Variants in GGA1 observed in about 807,000 individuals in gnomAD.
The protein encoded by GGA1 is golgi associated, gamma adaptin ear containing, ARF binding protein 1.
A neutral mutation model predicts 76.9 loss-of-function variants in GGA1; 18 were observed. The observed-to-expected ratio is 0.23, with a 90% CI of 0.16 to 0.35. The LOEUF is 0.35. Among genes scored for constraint, GGA1 ranks in the 10% least tolerant of loss-of-function variants. GGA1 has a pLI of 1.00. For synonymous variants in GGA1, 342 were observed against 354.7 expected (o/e 0.96, Z 0.40); for missense variants, 755 against 859.0 (o/e 0.88, Z 1.51).
intron 1 of GGA1, among the ~76,000 whole-genome samples, chr22:37,611,708 C>A (rs1927617536): frequency 6.6e-6 from 1 of 152,246 alleles, no homozygotes; most frequent in African/African-American, 2.4e-5. Context: ...ACCTCCTGGG[C>A]TGTGTCCTTC....
Position 37,632,218 on chromosome 22 carries a change from A to G in GGA1, c.1698+53A>G. 6.4e-7 allele frequency: 1 copy of G among 1,560,060 alleles called. No individual in the cohort carries two copies. Among genetic ancestry groups the G allele is most frequent in the African/African-American group, 1.3e-5 (1 of 74,242 alleles). ...CTCCCTCCTCTCAAGGCAGGGTGAC[A>G]TGGAGCTGGGTGGGGAGCCACCTGT... On this transcript the variant is annotated intron_variant, in intron 15 of 16. Transcript: ENST00000343632. This position sits in a 1 kb window ranked among gnomAD's most constrained non-coding sequence, Gnocchi z 5.1.
Position 37,630,122 on chromosome 22 carries a change from A to G in GGA1, c.1283A>G (p.Lys428Arg). The G allele has an allele frequency of 6.2e-7, 1 of 1,607,612 alleles. No individual in the cohort carries two copies. The highest frequency in any genetic ancestry group is 8.5e-7 in the Non-Finnish European group (1 of 1,177,150). The change falls in exon 13 of 17, where the codon AAG becomes AGG. Residue 428 changes from lysine (K) to arginine (R), a missense_variant. Lys to Arg is a conservative substitution (Grantham distance 26). Coordinates refer to ENST00000343632, the MANE Select transcript of GGA1 (RefSeq NM_013365.5). ...CTGGACGACCTAGACCTCCTGGGGA[A>G]GACCCTCCTGCAGCAGTCGCTGCCC... ...SGLDDLDLLG[K>R]TLLQQSLPPE...
intron 7 of GGA1, among the ~76,000 whole-genome samples, chr22:37,622,175 C>T (rs1416730697): frequency 2.6e-5 from 4 of 151,948 alleles, no homozygotes; most frequent in Admixed American, 6.6e-5. Flanking sequence ...ACCTCCCGGG[C>T]TCAAGCAGTC....
intron 1 of GGA1, chr22:37,609,237 G>A: frequency 8.3e-7 from 1 of 1,198,534 alleles, no homozygotes; most frequent in Non-Finnish European, 1.1e-6. Context: ...GTAGCGGCCC[G>A]GGGAAGGAGC....
At chr22:37,609,179 G>A (rs1197870889) in intron 1 of GGA1, 1 of 1,417,590 alleles carries the variant, frequency 7.1e-7, no homozygotes, top group Non-Finnish European at 9.3e-7. Context: ...GAACCCCCGG[G>A]ACGGAGAGAG....
chr22:37,625,288 G>T lies in GGA1; in HGVS notation c.940+212G>T, dbSNP rs993547016. ...AAGAAGTCTGGTGGGGGAGCTGAGGGTTTGGTGAGGACAGGCAGAAGAAGG... is the reference window on the plus strand; with the variant it reads ...AAGAAGTCTGGTGGGGGAGCTGAGGTTTTGGTGAGGACAGGCAGAAGAAGG... On this transcript the variant is annotated intron_variant, in intron 10 of 16. Transcript: ENST00000343632. This position sits in a 1 kb window ranked among gnomAD's most constrained non-coding sequence, Gnocchi z 4.1. 4.6e-5 allele frequency among the ~76,000 whole-genome samples: 7 copies of T among 152,142 alleles called. No homozygotes were observed. Among genetic ancestry groups the T allele is most frequent in the African/African-American group, 1.4e-4 (6 of 41,406 alleles).
intron 3 of GGA1, 164 bp downstream of exon 3, chr22:37,617,161 C>G: frequency 2.7e-6 from 4 of 1,470,028 alleles, no homozygotes; most frequent in Non-Finnish European, 2.7e-6. Flanking sequence ...CCCACCACAG[C>G]CAGCGGGCTG....
chr22:37,622,621 C>T (rs928341743), intron 7 of GGA1, among the ~76,000 whole-genome samples: 5 of 152,158 alleles, frequency 3.3e-5, no homozygotes, highest in Non-Finnish European at 4.4e-5. Flanking sequence ...CCCTTTGTTG[C>T]CCAAACTAGT....
intron 3 of GGA1, 133 bp downstream of exon 3, chr22:37,617,130 G>T: frequency 6.6e-7 from 1 of 1,508,334 alleles, no homozygotes; most frequent in Non-Finnish European, 8.8e-7. Context: ...CAGGATGGAG[G>T]TCCGGGCCTG....
At position 37,625,600 on chromosome 22, in the gene GGA1, G is replaced by A. The variant is rs533649711; in HGVS notation, c.941-197G>A. Among the ~76,000 whole-genome samples, 9 of 152,226 alleles carry A rather than the reference G, an allele frequency of 5.9e-5. No homozygotes were observed. The highest frequency in any genetic ancestry group is 3.9e-4 in the Admixed American group (6 of 15,288). On this transcript the variant is annotated intron_variant, in intron 10 of 16. Coordinates refer to ENST00000343632, the MANE Select transcript of GGA1 (RefSeq NM_013365.5). The surrounding 1 kb of genome is among the most constrained non-coding windows in gnomAD (Gnocchi z 4.1). ...TAGAGCTAAGAAGGAAATACATTCC[G>A]GACAGAAGTACCATCATATGCCAAA... is the stretch of plus-strand genomic sequence containing the variant.
intron 11 of GGA1, among the ~76,000 whole-genome samples, chr22:37,628,643 C>T (rs1931258090): frequency 6.6e-6 from 1 of 152,254 alleles, no homozygotes; most frequent in Admixed American, 6.5e-5. Flanking sequence ...CATCAGTGCA[C>T]TTTATCTCTG....
chr22:37,618,149 G>T, intron 3 of GGA1: 3 of 267,008 alleles, frequency 1.1e-5, no homozygotes, highest in Non-Finnish European at 2.1e-5. Flanking sequence ...AGGAAAAATA[G>T]TAAGAAAATA....
chr22:37,619,800 G>A, intron 4 of GGA1: 1 of 778,762 alleles, frequency 1.3e-6, no homozygotes, highest in Non-Finnish European at 2.4e-6. Context: ...CTCCCAACAG[G>A]GGACTCTGCT....
At position 37,614,348 on chromosome 22, in the gene GGA1, T is replaced by C. The variant is rs150378005; in HGVS notation, c.128+74T>C. 1,712 of 1,036,186 alleles carry C rather than the reference T, an allele frequency of 1.7e-3. 3 individuals are homozygous for C. Among genetic ancestry groups the C allele is most frequent in the Admixed American group, 3.1e-3 (181 of 58,246 alleles). 64.2% of individuals were successfully genotyped at this position (1,036,186 alleles called of 1,614,324 possible). The stretch of plus-strand genomic sequence containing the variant: ...CCAGTCTCGGGTACAATGGCCTGGG[T>C]GGGTGGAGACCCGGTTTTCATTCTG... On this transcript the variant is annotated intron_variant, in intron 2 of 16. Coordinates refer to ENST00000343632, the MANE Select transcript of GGA1 (RefSeq NM_013365.5).
intron 4 of GGA1, among the ~76,000 whole-genome samples, chr22:37,619,314 C>T (rs543595920): frequency 1.2e-3 from 184 of 151,392 alleles, no homozygotes; most frequent in African/African-American, 4.2e-3. Context: ...ATCTGCCTGT[C>T]GTGGACTCCC....
intron 1 of GGA1, chr22:37,609,313 C>T: frequency 9.0e-7 from 1 of 1,109,268 alleles, no homozygotes; most frequent in Non-Finnish European, 1.1e-6. Flanking sequence ...TTTTCAGGCC[C>T]CGAATCCTCC....
At chr22:37,609,669 C>T (rs1927132867) in intron 1 of GGA1, among the ~76,000 whole-genome samples, 1 of 152,192 alleles carries the variant, frequency 6.6e-6, no homozygotes, top group South Asian at 2.1e-4. Context: ...GCCCGCAAAC[C>T]CTCCACCTGA....
At position 37,630,141 on chromosome 22, in the gene GGA1, G is replaced by A. The variant is rs769953756; in HGVS notation, c.1302G>A (p.Ser434=). ...TGGGGAAGACCCTCCTGCAGCAGTCGCTGCCCCCGGAATCCCAGCAAGTGC... is the reference window on the plus strand; with the variant it reads ...TGGGGAAGACCCTCCTGCAGCAGTCACTGCCCCCGGAATCCCAGCAAGTGC... The part of the protein sequence containing the change: ...DLLGKTLLQQ[S]LPPESQQVRW... The change falls in exon 13 of 17, where the codon TCG becomes TCA. Residue 434 remains serine (S), a synonymous_variant. Transcript: ENST00000343632. 1.4e-5 allele frequency: 23 copies of A among 1,594,460 alleles called. No homozygotes were observed. The highest frequency in any genetic ancestry group is 5.3e-5 in the Admixed American group (3 of 56,548).
chr22:37,630,449 T>G (rs1401415293), intron 13 of GGA1: 3 of 504,114 alleles, frequency 6.0e-6, no homozygotes, highest in Non-Finnish European at 1.0e-5. Context: ...AGTGAATAGG[T>G]GGGGTGCAGG....
Sources: allele counts gnomAD v4.1 joint callset (sites outside exome capture counted in the v4.1 genomes callset), GRCh38; gene constraint gnomAD v4.1.1; non-coding constraint Gnocchi (gnomAD v3.1); transcripts MANE v1.5; gene names NCBI Gene and HGNC (gene_info 2026-07-23, HGNC 2026-07-21).